LARGE1: variants seen among roughly 807,000 people sequenced by gnomAD.
LARGE1 encodes LARGE xylosyl- and glucuronyltransferase 1.
A neutral mutation model predicts 87.6 loss-of-function variants in LARGE1; 43 were observed. That is an observed-to-expected ratio of 0.49 (90% CI 0.38 to 0.63). The LOEUF (loss-of-function observed/expected upper bound fraction) is 0.63. LARGE1 is among the 30% of genes least tolerant of loss of function. The pLI is 0.00. For missense variants in LARGE1, 802 were observed against 1,000.2 expected (o/e 0.80, Z 2.67); for synonymous variants, 434 against 394.6 (o/e 1.10, Z -1.18).
intron 1 of LARGE1, among the ~76,000 whole-genome samples, chr22:33,778,175 T>C (rs2085307262): frequency 1.3e-5 from 2 of 152,186 alleles, no homozygotes; most frequent in Non-Finnish European, 1.5e-5. Context: ...AAAGTCTCTA[T>C]AAGGATAAAG....
chr22:33,898,275 C>T, intron 1 of LARGE1, among the ~76,000 whole-genome samples: 1 of 152,040 alleles, frequency 6.6e-6, no homozygotes, highest in Admixed American at 6.6e-5. Context: ...CTACACGGTT[C>T]CCTTGATCTG....
intron 6 of LARGE1, 78 bp from the exon 7 acceptor site, chr22:33,432,343 G>A (rs763405819): frequency 6.6e-6 from 7 of 1,059,500 alleles, no homozygotes; most frequent in Non-Finnish European, 1.0e-5. Flanking sequence ...AAGACACAGG[G>A]TAATGGCAAA....
At chr22:33,515,980 C>A (rs921488706) in intron 6 of LARGE1, among the ~76,000 whole-genome samples, 1 of 152,224 alleles carries the variant, frequency 6.6e-6, no homozygotes, top group Non-Finnish European at 1.5e-5. Context: ...GTGAGCAACG[C>A]CACCGTGTCC....
downstream of LARGE1, among the ~76,000 whole-genome samples, chr22:33,272,379 C>T (rs982146127): frequency 4.6e-5 from 7 of 152,252 alleles, no homozygotes; most frequent in East Asian, 1.9e-4. Context: ...AAATATTTAA[C>T]AACTAGCTCT....
chr22:33,575,515 C>A (rs939141010), intron 5 of LARGE1, among the ~76,000 whole-genome samples: 39 of 152,266 alleles, frequency 2.6e-4, no homozygotes, highest in Middle Eastern at 3.4e-3. Flanking sequence ...TAGTAACCAG[C>A]ATCAACAGGA....
At chr22:33,859,264 G>A (rs888835159) in intron 1 of LARGE1, among the ~76,000 whole-genome samples, 4 of 152,104 alleles carry the variant, frequency 2.6e-5, no homozygotes, top group Non-Finnish European at 2.9e-5. Context: ...TAATAATGTT[G>A]TATTACTGTA....
intron 6 of LARGE1, among the ~76,000 whole-genome samples, chr22:33,444,954 C>T (rs776019500): frequency 6.6e-6 from 1 of 152,100 alleles, no homozygotes; most frequent in Non-Finnish European, 1.5e-5. Context: ...CTCAACCTCC[C>T]AAGTAGCTGG....
At chr22:33,361,519 G>A (rs921017407) in intron 9 of LARGE1, among the ~76,000 whole-genome samples, 3 of 149,654 alleles carry the variant, frequency 2.0e-5, no homozygotes, top group Non-Finnish European at 4.5e-5. Context: ...GGAGATATGA[G>A]CAGGGGAGGA....
At chr22:33,793,728 G>A (rs1320989644) in intron 1 of LARGE1, among the ~76,000 whole-genome samples, 1 of 151,846 alleles carries the variant, frequency 6.6e-6, no homozygotes, top group Non-Finnish European at 1.5e-5. Context: ...AAGCTATGTG[G>A]TATGTGTAGC....
intron 9 of LARGE1, among the ~76,000 whole-genome samples, chr22:33,344,353 C>G (rs1056514863): frequency 6.6e-6 from 1 of 151,628 alleles, no homozygotes; most frequent in African/African-American, 2.4e-5. Flanking sequence ...CACAAGAGAC[C>G]ATACTCTCTT....
At chr22:33,756,534 G>A (rs1474388046) in intron 2 of LARGE1, among the ~76,000 whole-genome samples, 1 of 152,098 alleles carries the variant, frequency 6.6e-6, no homozygotes, top group African/African-American at 2.4e-5. Context: ...ACAAAGAAGA[G>A]GAAGGAAGTA....
chr22:33,095,608 T>C, the LARGE1 span, among the ~76,000 whole-genome samples: 42 of 152,186 alleles, frequency 2.8e-4, no homozygotes. Flanking sequence ...TGTTTGTGCA[T>C]TGCCACTGCC....
chr22:33,367,672 C>T (rs2064645809), intron 9 of LARGE1, among the ~76,000 whole-genome samples: 1 of 152,140 alleles, frequency 6.6e-6, no homozygotes, highest in South Asian at 2.1e-4. Context: ...AGGGATCCTC[C>T]CATCTCAGCC....
Position 33,697,693 on chromosome 22 carries a change from C to G in LARGE1, c.107-47025G>C, listed in dbSNP as rs1339940776. 3.3e-5 allele frequency among the ~76,000 whole-genome samples: 5 copies of G among 152,038 alleles called. No individual in the cohort carries two copies. The East Asian group carries it at 9.6e-4, about 29-fold the overall frequency. On this transcript the variant is annotated intron_variant, in intron 2 of 14. Coordinates refer to ENST00000397394, the MANE Select transcript of LARGE1 (RefSeq NM_133642.5). Reference sequence around the variant, plus strand: ...ATCAAAACTCAGATCTCTGTTCCTTCTTCTGCGGTGCGCTGCAGAGTCTTT... The same window carrying G: ...ATCAAAACTCAGATCTCTGTTCCTTGTTCTGCGGTGCGCTGCAGAGTCTTT...
chr22:33,210,397 G>A (rs150070790), intron 11 of LARGE1, among the ~76,000 whole-genome samples: 26 of 152,358 alleles, frequency 1.7e-4, no homozygotes, highest in Non-Finnish European at 2.8e-4. Flanking sequence ...GAACGACACC[G>A]GCGGAACCTG....
At chr22:33,739,348 A>G (rs138202524) in intron 2 of LARGE1, among the ~76,000 whole-genome samples, 1 of 152,264 alleles carries the variant, frequency 6.6e-6, no homozygotes, top group African/African-American at 2.4e-5. Context: ...GGCATCTGAC[A>G]TCCTCAGTTC....
intron 1 of LARGE1, among the ~76,000 whole-genome samples, chr22:33,798,249 C>G (rs774718493): frequency 6.6e-6 from 1 of 152,104 alleles, no homozygotes; most frequent in African/African-American, 2.4e-5. Context: ...GAGATCTGGC[C>G]GTTACACTCC....
intron 6 of LARGE1, among the ~76,000 whole-genome samples, chr22:33,446,429 C>T (rs1479183796): frequency 6.6e-6 from 1 of 152,182 alleles, no homozygotes; most frequent in Non-Finnish European, 1.5e-5. Context: ...GTGTGGCTGG[C>T]GTCTGAAGTG....
chr22:33,194,206 G>C (rs993374577), intron 11 of LARGE1, among the ~76,000 whole-genome samples: 1 of 151,986 alleles, frequency 6.6e-6, no homozygotes, highest in Non-Finnish European at 1.5e-5. Context: ...ATGTTTCTTT[G>C]TCCAAAGTTA....
Sources: gnomAD v4.1 joint callset for allele counts (sites outside exome capture counted in the v4.1 genomes callset) on GRCh38, gnomAD v4.1.1 for gene constraint, MANE v1.5 for transcripts, NCBI Gene and HGNC (gene_info 2026-07-23, HGNC 2026-07-21) for gene names.